The following PIM2 variants were observed in gnomAD, a reference collection of about 807,000 sequenced individuals.
The protein encoded by PIM2 is serine/threonine-protein kinase pim-2.
A neutral mutation model predicts 18.0 loss-of-function variants in PIM2; 3 were observed. That is an observed-to-expected ratio of 0.17 (90% CI 0.08 to 0.43). The LOEUF is 0.43. Ranked by LOEUF, PIM2 falls within the 20% of genes least tolerant of loss-of-function variation. The probability of loss-of-function intolerance (pLI) is 0.99; values close to 1 mark genes in which losing one functional copy is unlikely to be tolerated. For synonymous variants in PIM2, 117 were observed against 105.3 expected, an observed-to-expected ratio of 1.11 and a Z score of -0.68; for missense variants, 181 against 260.8, an observed-to-expected ratio of 0.69 and a Z score of 2.11.
At chrX:48,915,610 G>A (rs1431487426) in intron 3 of PIM2, 20 of 399,190 alleles carry the variant, frequency 5.0e-5, no homozygotes, top group Middle Eastern at 6.7e-4. Flanking sequence ...CACAAATCTC[G>A]CATGTCGTAG....
At chrX:48,918,722 C>G (rs2063570492) in intron 1 of PIM2, 52 bp downstream of exon 1, 2 of 1,137,269 alleles carry the variant, frequency 1.8e-6, no homozygotes, top group Middle Eastern at 2.5e-4. Context: ...CGCGCTGCAA[C>G]CCATCATTCC....
chrX:48,916,631 C>G (rs1557045252), intron 3 of PIM2, among the ~76,000 whole-genome samples: 1 of 111,860 alleles, frequency 8.9e-6, no homozygotes, highest in Admixed American at 9.4e-5. Context: ...GGGCAGATCA[C>G]TAGGTCAGGG....
rs1229754048 is a variant in PIM2, at chrX:48,913,587, T to TAAC, written c.*541_*543dup. On this transcript the variant is annotated 3_prime_UTR_variant, in exon 6 of 6. Coordinates refer to ENST00000376509, the MANE Select transcript of PIM2 (RefSeq NM_006875.4). ...AAAAAAAAAAAAAGAAGCCTTGGGG[T>TAAC]AACAACAGGGCATTACCTCCCCCAG... 1 of 84,564 alleles carries TAAC rather than the reference T, an allele frequency of 1.2e-5. No individual in the cohort carries two copies. The highest frequency in any genetic ancestry group is 4.4e-5 in the African/African-American group (1 of 22,901). The allele number at this position is 84,564 out of a possible 1,213,427, so 7.0% of individuals were successfully genotyped here. A position where few individuals can be genotyped will look rare whatever the true frequency, so the allele number is the denominator to read the frequency against.
chrX:48,917,473 G>A (rs1383259672), intron 3 of PIM2, among the ~76,000 whole-genome samples: 1 of 113,337 alleles, frequency 8.8e-6, no homozygotes, highest in African/African-American at 3.2e-5. Context: ...AACGGCAAGA[G>A]AGAAGCAGCC....
chrX:48,918,831 A>T lies in PIM2; in HGVS notation c.4T>A (p.Leu2Met). 8.4e-7 allele frequency: 1 copy of T among 1,195,457 alleles called. No individual in the cohort carries two copies. Among genetic ancestry groups the T allele is most frequent in the Non-Finnish European group, 1.1e-6 (1 of 890,288 alleles). The change falls in exon 1 of 6, where the codon TTG (leucine) becomes ATG (methionine). Residue 2 changes from leucine (L) to methionine (M), a missense_variant. Physicochemically the swap from Leu to Met is conservative, Grantham distance 15 (BLOSUM62 2). Transcript: ENST00000376509. Reference protein sequence around the residue: MLTKPLQGPPAP... With the variant: MMTKPLQGPPAP... ...GGAGGCCCCTGTAGAGGCTTGGTCA[A>T]CATGGAGGTGGCGCTGCGCAGATTG...
At chrX:48,918,440 C>A in intron 2 of PIM2, 96 bp downstream of exon 2, 1 of 592,640 alleles carries the variant, frequency 1.7e-6, no homozygotes, top group Admixed American at 3.4e-5. Flanking sequence ...TCTACACACT[C>A]TGCAGGCTCA....
intron 4 of PIM2, 152 bp downstream of exon 4, chrX:48,914,868 G>T: frequency 1.8e-6 from 1 of 543,836 alleles, no homozygotes; most frequent in Non-Finnish European, 2.9e-6. Flanking sequence ...TTTATCAGAG[G>T]GCAAGGCTGA....
In PIM2 at chrX:48,918,811, C is replaced by T. The variant is rs200602775; in HGVS notation, c.24G>A (p.Gly8=). The T allele has an allele frequency of 3.8e-3, 4,557 of 1,194,526 alleles. 8 individuals are homozygous for T. Among genetic ancestry groups the T allele is most frequent in the Non-Finnish European group, 4.9e-3 (4,345 of 890,407 alleles). Residue 8 remains glycine (G), a synonymous_variant, in exon 1 of 6, where the codon GGG becomes GGA. Coordinates refer to ENST00000376509, the MANE Select transcript of PIM2 (RefSeq NM_006875.4). ...TGGGGGTCCCGGGGGGCGCGGGAGG[C>T]CCCTGTAGAGGCTTGGTCAACATGG... MLTKPLQ[G]PPAPPGTPTP...
intron 3 of PIM2, among the ~76,000 whole-genome samples, chrX:48,916,071 C>CT (rs1765107698): frequency 8.9e-6 from 1 of 112,759 alleles, no homozygotes; most frequent in African/African-American, 3.2e-5. Flanking sequence ...AGCATGGGCT[C>CT]TGACAAGCAG....
Position 48,918,906 on chromosome X carries a change from C to T in PIM2, c.-72G>A. 2 of 953,687 alleles carry T rather than the reference C, an allele frequency of 2.1e-6. No individual in the cohort carries two copies. Among genetic ancestry groups the T allele is most frequent in the Non-Finnish European group, 1.4e-6 (1 of 691,725 alleles). The allele number at this position is 953,687 out of a possible 1,213,427, so 78.6% of individuals were successfully genotyped here. A position where few individuals can be genotyped will look rare whatever the true frequency, so the allele number is the denominator to read the frequency against. Reference sequence around the variant, plus strand: ...CAGGGCGTGGACGCCCGGGGCAGCGCAGCTGGGGAGCCAGGGCTGGGGGGC... The same window carrying T: ...CAGGGCGTGGACGCCCGGGGCAGCGTAGCTGGGGAGCCAGGGCTGGGGGGC... On this transcript the variant is annotated 5_prime_UTR_variant, in exon 1 of 6. Coordinates refer to ENST00000376509, the MANE Select transcript of PIM2 (RefSeq NM_006875.4).
intron 3 of PIM2, among the ~76,000 whole-genome samples, chrX:48,917,085 A>G (rs1366602789): frequency 9.2e-6 from 1 of 109,251 alleles, no homozygotes; most frequent in Non-Finnish European, 1.9e-5. Flanking sequence ...AACCCAGGAG[A>G]CGGAGGTTGC....
rs996271105 is a variant in PIM2 at position 48,914,990 on chromosome X, T to C, written c.595+30A>G. On this transcript the variant is annotated intron_variant, in intron 4 of 5. Coordinates refer to ENST00000376509, the MANE Select transcript of PIM2 (RefSeq NM_006875.4). ...TCACAAGGCCATCAAGTAAAAACAA[T>C]CCCTCCAGGGAGATTTAGAGAAGCC... 5.2e-6 allele frequency: 6 copies of C among 1,161,037 alleles called. No homozygotes were observed. In the African/African-American group the frequency reaches 1.1e-4, roughly 21 times the overall value.
chrX:48,918,185 C>G, intron 2 of PIM2, among the ~76,000 whole-genome samples: 1 of 108,203 alleles, frequency 9.2e-6, no homozygotes, highest in East Asian at 2.9e-4. Flanking sequence ...CATGACTCCA[C>G]ACTGGACACC....
intron 3 of PIM2, among the ~76,000 whole-genome samples, chrX:48,917,008 A>T (rs1227638146): frequency 9.1e-6 from 1 of 109,989 alleles, no homozygotes; most frequent in African/African-American, 3.3e-5. Flanking sequence ...TACAAAAATT[A>T]GCCGGGCATG....
At chrX:48,914,336 G>T (rs1557044963) in intron 5 of PIM2, 42 bp from the exon 6 acceptor site, 2 of 1,208,453 alleles carry the variant, frequency 1.7e-6, no homozygotes, top group African/African-American at 3.5e-5. Context: ...GCAGTCAGTA[G>T]GGGGTACTGG....
chrX:48,915,404 G>C lies in PIM2; in HGVS notation c.223-12C>G. ...GTGACTGAGTCTGACTGGGGGCACA[G>C]GTGGGGTGGGAAGCAGGGAGAGAAA... On this transcript the variant is annotated splice_polypyrimidine_tract_variant and intron_variant, in intron 3 of 5. Transcript: ENST00000376509. 1 of 1,190,520 alleles carries C rather than the reference G, an allele frequency of 8.4e-7. No individual in the cohort carries two copies. Among genetic ancestry groups the C allele is most frequent in the East Asian group, 3.0e-5 (1 of 33,402 alleles).
At position 48,913,907 on chromosome X, in the gene PIM2, C is replaced by T. The variant is rs1468476178; in HGVS notation, c.*224G>A. On this transcript the variant is annotated 3_prime_UTR_variant, in exon 6 of 6. Coordinates refer to ENST00000376509, the MANE Select transcript of PIM2 (RefSeq NM_006875.4). ...GTTCCCCCTCCAGAATCAGGGACCA[C>T]AGGTTCTGGGAGGAAGGCTCCTTTG... 2 of 328,219 alleles carry T rather than the reference C, an allele frequency of 6.1e-6. No individual in the cohort carries two copies. Among genetic ancestry groups the T allele is most frequent in the Non-Finnish European group, 1.1e-5 (2 of 190,167 alleles). 27.0% of individuals were successfully genotyped at this position (328,219 alleles called of 1,213,427 possible).
At chrX:48,915,650 G>C in intron 3 of PIM2, 1 of 311,513 alleles carries the variant, frequency 3.2e-6, no homozygotes, top group East Asian at 5.8e-5. Flanking sequence ...AACGAAAGAA[G>C]TTCGGCCAGG....
At position 48,917,764 on chromosome X, in the gene PIM2, G is replaced by T; in HGVS notation, c.222+17C>A. On this transcript the variant is annotated intron_variant, in intron 3 of 5. Transcript: ENST00000376509. ...TGATGGAGTAGGTAGGTTAGGAAGG[G>T]CTCCGAAGGTACTCACCAAGGGGGA... is the stretch of plus-strand genomic sequence containing the variant. 1 of 1,186,420 alleles carries T rather than the reference G, an allele frequency of 8.4e-7. No homozygotes were observed. Among genetic ancestry groups the T allele is most frequent in the South Asian group, 1.8e-5 (1 of 55,088 alleles).
Sources: gnomAD v4.1 joint callset for allele counts (sites outside exome capture counted in the v4.1 genomes callset) on GRCh38, gnomAD v4.1.1 for gene constraint, MANE v1.5 for transcripts, NCBI Gene and HGNC (gene_info 2026-07-23, HGNC 2026-07-21) for gene names.